PHTF2: variants seen among roughly 807,000 people sequenced by gnomAD.
PHTF2 encodes putative homeodomain transcription factor 2, also known as protein PHTF2.
In PHTF2, 60 loss-of-function variants were observed where a neutral mutation model predicts 101.2. That is an observed-to-expected ratio of 0.59 (90% CI 0.48 to 0.73). PHTF2 has a LOEUF of 0.73. PHTF2 is among the 30% of genes least tolerant of loss of function. PHTF2 has a pLI of 0.00. For missense variants in PHTF2, 747 were observed against 908.7 expected, an observed-to-expected ratio of 0.82 and a Z score of 2.29; for synonymous variants, 311 against 307.3, an observed-to-expected ratio of 1.01 and a Z score of -0.13.
At chr7:77,885,791 G>A (rs879760763) in intron 3 of PHTF2, among the ~76,000 whole-genome samples, 3 of 152,154 alleles carry the variant, frequency 2.0e-5, no homozygotes, top group Non-Finnish European at 4.4e-5. Flanking sequence ...AAATTAGACA[G>A]CATTTATCCT....
At chr7:77,948,288 T>C (rs12530659) in intron 16 of PHTF2, among the ~76,000 whole-genome samples, 3,362 of 152,296 alleles carry the variant, frequency 0.022, 53 homozygotes, top group Middle Eastern at 0.068. Context: ...GCCATATATA[T>C]GTAGAAACCT....
exon 1 of PHTF2, chr7:77,798,843 C>G (rs546654751): frequency 6.6e-6 from 1 of 152,482 alleles, no homozygotes; most frequent in South Asian, 2.1e-4. Context: ...GTGGGGCAAC[C>G]CTCTGGAGGC....
chr7:77,901,690 A>T (rs1801408307), intron 6 of PHTF2, 72 bp from the exon 6 acceptor site: 2 of 807,544 alleles, frequency 2.5e-6, no homozygotes, highest in Non-Finnish European at 3.5e-6. Context: ...TCAAACATTG[A>T]AATTTTTTTC....
chr7:77,807,477 A>G (rs1793083943), intron 1 of PHTF2, among the ~76,000 whole-genome samples: 2 of 152,080 alleles, frequency 1.3e-5, no homozygotes, highest in Admixed American at 6.5e-5. Flanking sequence ...TTTGTGTGCT[A>G]GTTGGCCATT....
intron 9 of PHTF2, among the ~76,000 whole-genome samples, chr7:77,914,615 T>C (rs536214011): frequency 6.6e-6 from 1 of 152,096 alleles, no homozygotes; most frequent in South Asian, 2.1e-4. Context: ...AAATCTGAGA[T>C]TTTTTTTCTC....
chr7:77,833,435 A>G (rs139655441), intron 1 of PHTF2, among the ~76,000 whole-genome samples: 1 of 152,292 alleles, frequency 6.6e-6, no homozygotes, highest in Non-Finnish European at 1.5e-5. Context: ...TGAGAGTCTG[A>G]GGAGATTTAT....
chr7:77,809,480 G>C (rs1793263406), intron 1 of PHTF2, among the ~76,000 whole-genome samples: 1 of 152,006 alleles, frequency 6.6e-6, no homozygotes, highest in Non-Finnish European at 1.5e-5. Context: ...ACCCACCTCA[G>C]CCTCCCGAAG....
intron 6 of PHTF2, 127 bp downstream of exon 5, chr7:77,900,907 A>G: frequency 1.7e-6 from 1 of 601,298 alleles, no homozygotes. Flanking sequence ...AGATTGGGTA[A>G]TTTATAAGAA....
intron 5 of PHTF2, among the ~76,000 whole-genome samples, chr7:77,894,616 G>A (rs926779060): frequency 1.3e-5 from 2 of 152,172 alleles, no homozygotes; most frequent in African/African-American, 2.4e-5. Flanking sequence ...ATAGGATTAA[G>A]TCCTGGGACA....
At position 77,927,176 on chromosome 7, in the gene PHTF2, A is replaced by C. The variant is rs1160805399; in HGVS notation, c.1120-1933A>C. On this transcript the variant is annotated intron_variant, in intron 11 of 19. Coordinates refer to ENST00000416283, the Ensembl canonical transcript of PHTF2. ...CCATCTCAAAAAAAAAAAAAAAAAA[A>C]AATATATATATATATATATACATAC... Among the ~76,000 whole-genome samples, 37 of 90,758 alleles carry C rather than the reference A, an allele frequency of 4.1e-4. 1 individual carries two copies. The highest frequency in any genetic ancestry group is 9.5e-4 in the Admixed American group (7 of 7,330). The allele number at this position is 90,758 out of a possible 152,430, so 59.5% of individuals were successfully genotyped here.
At chr7:77,928,663 T>C (rs1804286019) in intron 11 of PHTF2, among the ~76,000 whole-genome samples, 1 of 152,148 alleles carries the variant, frequency 6.6e-6, no homozygotes, top group Non-Finnish European at 1.5e-5. Flanking sequence ...TCCAAAACTG[T>C]GGGTTCTGCA....
intron 1 of PHTF2, among the ~76,000 whole-genome samples, chr7:77,837,681 G>A (rs2150571111): frequency 6.6e-6 from 1 of 152,194 alleles, no homozygotes; most frequent in East Asian, 1.9e-4. Flanking sequence ...CTAGAATACT[G>A]TTAGATTTTT....
At chr7:77,820,790 TCTC>T (rs1439974473) in intron 1 of PHTF2, among the ~76,000 whole-genome samples, 2 of 152,220 alleles carry the variant, frequency 1.3e-5, no homozygotes, top group Admixed American at 1.3e-4. Flanking sequence ...AGTGAGGCCT[TCTC>T]CTGTCATTTT....
chr7:77,939,711 C>G (rs1805480131), intron 13 of PHTF2, among the ~76,000 whole-genome samples: 1 of 151,644 alleles, frequency 6.6e-6, no homozygotes, highest in Non-Finnish European at 1.5e-5. Context: ...GATATGAGAT[C>G]TCATTCTCTT....
intron 12 of PHTF2, among the ~76,000 whole-genome samples, chr7:77,930,331 T>C (rs1804449468): frequency 6.6e-6 from 1 of 152,176 alleles, no homozygotes; most frequent in Non-Finnish European, 1.5e-5. Flanking sequence ...TTATAGGATA[T>C]CTTTATTTGA....
chr7:77,922,950 G>A, intron 11 of PHTF2, 172 bp downstream of exon 10: 1 of 1,335,028 alleles, frequency 7.5e-7, no homozygotes, highest in Non-Finnish European at 9.6e-7. Context: ...TTTACGTATT[G>A]CACATGTATT....
At chr7:77,869,414 C>G (rs142980336) in intron 3 of PHTF2, among the ~76,000 whole-genome samples, 72 of 152,264 alleles carry the variant, frequency 4.7e-4, no homozygotes, top group Middle Eastern at 6.8e-3. Context: ...TCTTTATCCT[C>G]CTCACTTCCC....
In PHTF2 at chr7:77,916,217, AAGT is replaced by A. The variant is rs370787348; in HGVS notation, c.777-4059_777-4057del. On this transcript the variant is annotated intron_variant, in intron 9 of 19. Transcript: ENST00000416283. ...GAATTAACTTCCCTTTTAAAAATGT[AAGT>A]AGAATTTTACAATATTTGTTTTTTA... 2.0e-3 allele frequency among the ~76,000 whole-genome samples: 298 copies of A among 152,296 alleles called. 1 individual carries two copies. Among genetic ancestry groups the A allele is most frequent in the African/African-American group, 6.3e-3 (264 of 41,584 alleles).
chr7:77,900,408 C>G (rs1801284866), intron 5 of PHTF2, among the ~76,000 whole-genome samples: 1 of 152,176 alleles, frequency 6.6e-6, no homozygotes, highest in Non-Finnish European at 1.5e-5. Context: ...ATATAGTTCC[C>G]TCTACACCTA....
Sources: allele counts gnomAD v4.1 joint callset (sites outside exome capture counted in the v4.1 genomes callset), GRCh38; gene constraint gnomAD v4.1.1; transcripts MANE v1.5; gene names NCBI Gene and HGNC (gene_info 2026-07-23, HGNC 2026-07-21).